DLGAP1: variants seen among roughly 807,000 people sequenced by gnomAD.
DLGAP1 encodes DLG associated protein 1, also known as disks large-associated protein 1.
Under a neutral mutation model 90.8 loss-of-function variants are expected in DLGAP1, and 11 were observed. That is an observed-to-expected ratio of 0.12 (90% confidence interval 0.08 to 0.20). The LOEUF is 0.20. Among genes scored for constraint, DLGAP1 ranks in the 10% least tolerant of loss-of-function variants. The pLI is 1.00. For missense variants in DLGAP1, 1,050 were observed against 1,333.8 expected (o/e 0.79, Z 3.31); for synonymous variants, 558 against 540.7 (o/e 1.03, Z -0.44).
At chr18:3,922,217 A>G (rs1256150101) in intron 3 of DLGAP1, among the ~76,000 whole-genome samples, 1 of 152,200 alleles carries the variant, frequency 6.6e-6, no homozygotes, top group Non-Finnish European at 1.5e-5. Context: ...TAAGGGTCCA[A>G]AAAAGCTTCG....
At position 4,342,053 on chromosome 18, in the gene DLGAP1, C is replaced by T. The variant is rs765175740; in HGVS notation, c.-267+112953G>A. 1.1e-4 allele frequency among the ~76,000 whole-genome samples: 17 copies of T among 151,910 alleles called. No individual in the cohort carries two copies. The highest frequency in any genetic ancestry group is 2.4e-4 in the Non-Finnish European group (16 of 67,986). ...CAAGATCATCTTCAGAATTTCTGAG[C>T]GGATAAAGTCCTCGGCATGCGGTGA... On this transcript the variant is annotated intron_variant, in intron 1 of 12. Transcript: ENST00000315677. The surrounding 1 kb of genome is among the most constrained non-coding windows in gnomAD (Gnocchi z 5.8).
chr18:3,778,635 G>T (rs993011282), intron 5 of DLGAP1, among the ~76,000 whole-genome samples: 2 of 152,144 alleles, frequency 1.3e-5, no homozygotes, highest in Non-Finnish European at 2.9e-5. Flanking sequence ...AGCGGCAAGT[G>T]GGGAGAGATT....
At position 3,499,064 on chromosome 18, in the gene DLGAP1, G is replaced by T; in HGVS notation, c.*121C>A. ...CCTGCGAGGTGGACAACTACACCGCGACAGTGGAAGTCACCGAGCTCGGGA... is the reference window on the plus strand; with the variant it reads ...CCTGCGAGGTGGACAACTACACCGCTACAGTGGAAGTCACCGAGCTCGGGA... On this transcript the variant is annotated 3_prime_UTR_variant, in exon 13 of 13. Coordinates refer to ENST00000315677, the MANE Select transcript of DLGAP1 (RefSeq NM_004746.4). The surrounding 1 kb of genome is among the most constrained non-coding windows in gnomAD (Gnocchi z 6.4). The T allele has an allele frequency of 2.2e-6, 2 of 897,964 alleles. No individual in the cohort carries two copies. Among genetic ancestry groups the T allele is most frequent in the Non-Finnish European group, 3.2e-6 (2 of 621,468 alleles). 55.6% of individuals were successfully genotyped at this position (897,964 alleles called of 1,614,324 possible).
chr18:4,181,137 G>A (rs1253152082), intron 1 of DLGAP1, among the ~76,000 whole-genome samples: 1 of 152,138 alleles, frequency 6.6e-6, no homozygotes, highest in African/African-American at 2.4e-5. Context: ...TTATAAAATA[G>A]AGTCCTTTGA....
chr18:3,935,528 G>C (rs1487909599), intron 3 of DLGAP1, among the ~76,000 whole-genome samples: 2 of 152,132 alleles, frequency 1.3e-5, no homozygotes, highest in Admixed American at 6.5e-5. Context: ...AAGTTACTAC[G>C]TCTCAGGATG....
intron 4 of DLGAP1, among the ~76,000 whole-genome samples, chr18:3,836,792 G>A (rs1353248089): frequency 6.6e-6 from 1 of 152,170 alleles, no homozygotes; most frequent in African/African-American, 2.4e-5. Context: ...GTTTTATCAC[G>A]ACTGCAGCTT....
chr18:3,889,820 G>A (rs1381241820), intron 3 of DLGAP1, among the ~76,000 whole-genome samples: 3 of 152,130 alleles, frequency 2.0e-5, no homozygotes, highest in Non-Finnish European at 2.9e-5. Context: ...GGCCCATGTC[G>A]GCCCCACTGG....
At chr18:4,417,374 ATATTT>A (rs935570835) in intron 1 of DLGAP1, among the ~76,000 whole-genome samples, 16 of 152,178 alleles carry the variant, frequency 1.1e-4, no homozygotes, top group African/African-American at 3.9e-4. Flanking sequence ...GAATTGATAA[ATATTT>A]TAAAATATTT....
At chr18:4,012,143 T>C (rs1038245061) in intron 2 of DLGAP1, among the ~76,000 whole-genome samples, 1 of 152,156 alleles carries the variant, frequency 6.6e-6, no homozygotes, top group African/African-American at 2.4e-5. Context: ...CTCAGTGCCA[T>C]GCCCACCTCT....
intron 1 of DLGAP1, among the ~76,000 whole-genome samples, chr18:4,198,877 T>C (rs916722295): frequency 2.0e-5 from 3 of 152,192 alleles, no homozygotes; most frequent in East Asian, 3.9e-4. Flanking sequence ...TTAACTTGCA[T>C]TGCAGTGGGA....
At chr18:3,676,264 CT>C (rs942085346) in intron 7 of DLGAP1, among the ~76,000 whole-genome samples, 7 of 152,188 alleles carry the variant, frequency 4.6e-5, no homozygotes, top group Non-Finnish European at 1.0e-4. Context: ...TCCCTGCTCG[CT>C]ATGTAAATGT....
At chr18:3,988,797 T>C (rs2073897360) in intron 3 of DLGAP1, among the ~76,000 whole-genome samples, 1 of 152,200 alleles carries the variant, frequency 6.6e-6, no homozygotes, top group South Asian at 2.1e-4. Context: ...CCCTAGCTTA[T>C]AATGTTTGTT....
In DLGAP1 at chr18:4,114,181, A is replaced by C. The variant is rs114220924; in HGVS notation, c.-159+36999T>G. 9.6e-3 allele frequency among the ~76,000 whole-genome samples: 1,439 copies of C among 150,578 alleles called. 20 individuals carry two copies. Among genetic ancestry groups the C allele is most frequent in the African/African-American group, 0.032 (1,332 of 41,008 alleles). ...AAAATGATATTAGTTTGATAGGAAT[A>C]GTGTTGAATCTACAGATTGTTTTAA... is the stretch of plus-strand genomic sequence containing the variant. On this transcript the variant is annotated intron_variant, in intron 2 of 12. Transcript: ENST00000315677.
intron 8 of DLGAP1, among the ~76,000 whole-genome samples, chr18:3,579,432 A>T (rs2055358067): frequency 6.6e-6 from 1 of 151,978 alleles, no homozygotes; most frequent in African/African-American, 2.4e-5. Context: ...CTAGTCTCGA[A>T]CTCCCGACCT....
intron 2 of DLGAP1, among the ~76,000 whole-genome samples, chr18:4,007,582 G>A (rs1465089674): frequency 6.6e-6 from 1 of 152,158 alleles, no homozygotes; most frequent in Non-Finnish European, 1.5e-5. Context: ...CTTGAACCCA[G>A]GAGGCAGAGT....
At chr18:3,532,272 G>C (rs1403061795) in intron 10 of DLGAP1, among the ~76,000 whole-genome samples, 1 of 152,002 alleles carries the variant, frequency 6.6e-6, no homozygotes, top group Non-Finnish European at 1.5e-5. Context: ...CTCTACTTTT[G>C]TGCATGTTTA....
intron 1 of DLGAP1, among the ~76,000 whole-genome samples, chr18:4,394,585 G>C (rs1168883084): frequency 2.0e-5 from 3 of 152,032 alleles, no homozygotes; most frequent in Non-Finnish European, 4.4e-5. Context: ...TCAATTTTTG[G>C]AATAATTAGC....
At chr18:4,263,010 G>A (rs2079033490) in intron 1 of DLGAP1, among the ~76,000 whole-genome samples, 1 of 152,028 alleles carries the variant, frequency 6.6e-6, no homozygotes, top group African/African-American at 2.4e-5. Flanking sequence ...TCGGCTCAGT[G>A]TAATCTCTGC....
intron 3 of DLGAP1, among the ~76,000 whole-genome samples, chr18:3,882,385 T>G (rs748080783): frequency 2.4e-4 from 37 of 151,390 alleles, no homozygotes; most frequent in Middle Eastern, 3.4e-3. Context: ...AAAAAAAAAT[T>G]AGCTGGGAGT....
Sources: gnomAD v4.1 joint callset for allele counts (sites outside exome capture counted in the v4.1 genomes callset) on GRCh38, gnomAD v4.1.1 for gene constraint, Gnocchi (gnomAD v3.1) non-coding constraint, MANE v1.5 for transcripts, NCBI Gene and HGNC (gene_info 2026-07-23, HGNC 2026-07-21) for gene names.